Variants in PCDHA5 observed in about 807,000 individuals in gnomAD.
PCDHA5 encodes protocadherin alpha-5.
In PCDHA5, 43 loss-of-function variants were observed where a neutral mutation model predicts 61.6. The observed-to-expected ratio is 0.70, with a 90% CI of 0.55 to 0.90. The LOEUF (loss-of-function observed/expected upper bound fraction) is 0.90. Among genes scored for constraint, PCDHA5 ranks in the 40% least tolerant of loss-of-function variants. The pLI, the probability that PCDHA5 is intolerant of heterozygous loss-of-function variation, is 0.00. For missense variants in PCDHA5, 1,298 were observed against 1,222.7 expected, an observed-to-expected ratio of 1.06 and a Z score of -0.92; for synonymous variants, 627 against 543.9, an observed-to-expected ratio of 1.15 and a Z score of -2.13.
intron 1 of PCDHA5, chr5:140,870,180 A>G: frequency 1.2e-6 from 2 of 1,614,112 alleles, no homozygotes; most frequent in Non-Finnish European, 8.5e-7. Context: ...TCCCAGTACG[A>G]GAGGACGCTC....
chr5:140,870,083 C>G, intron 1 of PCDHA5: 1 of 1,613,848 alleles, frequency 6.2e-7, no homozygotes, highest in Admixed American at 1.7e-5. Flanking sequence ...AAGGGGACTC[C>G]CCCAATGGCA....
intron 3 of PCDHA5, among the ~76,000 whole-genome samples, chr5:140,982,882 C>CAGAGA (rs1353974224): frequency 6.6e-6 from 1 of 151,972 alleles, no homozygotes; most frequent in African/African-American, 2.4e-5. Context: ...CCAAGCCATG[C>CAGAGA]AGAGAAGATC....
At position 140,830,008 on chromosome 5, in the gene PCDHA5, A is replaced by G. The variant is rs2150179389; in HGVS notation, c.2352+5881A>G. The G allele has an allele frequency of 0.011, 17,411 of 1,613,856 alleles. 1,614 individuals are homozygous for G. In the African/African-American group the frequency reaches 0.2, roughly 19 times the overall value. On this transcript the variant is annotated intron_variant, in intron 1 of 3. Coordinates refer to ENST00000529859, the MANE Select transcript of PCDHA5 (RefSeq NM_018908.3). Reference sequence around the variant, plus strand: ...TCAGCACCACTCGTGTCCTGGACGAAGCGGACTCTCCGCGCCACCGGCTGC... The same window carrying G: ...TCAGCACCACTCGTGTCCTGGACGAGGCGGACTCTCCGCGCCACCGGCTGC...
chr5:140,845,723 T>A (rs1461937173), intron 1 of PCDHA5, among the ~76,000 whole-genome samples: 7 of 149,666 alleles, frequency 4.7e-5, no homozygotes, highest in African/African-American at 1.5e-4. Context: ...GCATGATAAA[T>A]GTGAATTCTA....
chr5:140,903,434 A>T (rs1372993909), intron 1 of PCDHA5, among the ~76,000 whole-genome samples: 1 of 152,226 alleles, frequency 6.6e-6, no homozygotes, highest in Non-Finnish European at 1.5e-5. Context: ...AATATGTATC[A>T]GTGGAATTCA....
At chr5:140,856,185 G>T (rs1554148335) in intron 1 of PCDHA5, 1 of 1,598,044 alleles carries the variant, frequency 6.3e-7, no homozygotes, top group Non-Finnish European at 8.6e-7. Context: ...TTCGTGGGCC[G>T]CATCGCGCAG....
chr5:140,848,314 G>T, intron 1 of PCDHA5: 1 of 733,978 alleles, frequency 1.4e-6, no homozygotes, highest in Non-Finnish European at 2.3e-6. Context: ...ACTCTTTGCC[G>T]CGATGTTCTC....
chr5:140,883,394 G>T, intron 1 of PCDHA5: 2 of 1,614,124 alleles, frequency 1.2e-6, no homozygotes, highest in South Asian at 2.2e-5. Context: ...CAGTGTGTCC[G>T]ATCGTGACTC....
At chr5:140,937,769 G>A (rs908179495) in intron 1 of PCDHA5, among the ~76,000 whole-genome samples, 44 of 151,776 alleles carry the variant, frequency 2.9e-4, no homozygotes, top group African/African-American at 9.4e-4. Context: ...AAAATTAGTC[G>A]GGCGTGGTGG....
intron 1 of PCDHA5, chr5:140,969,073 G>A (rs781937942): frequency 1.4e-5 from 23 of 1,613,974 alleles, no homozygotes; most frequent in South Asian, 5.5e-5. Context: ...CCAGGATACC[G>A]CATGGCCTCA....
At chr5:140,844,829 G>A (rs1252495421) in intron 1 of PCDHA5, among the ~76,000 whole-genome samples, 1 of 148,848 alleles carries the variant, frequency 6.7e-6, no homozygotes, top group East Asian at 1.9e-4. Flanking sequence ...CTTTTTACAC[G>A]TTTGCTTCTT....
intron 1 of PCDHA5, chr5:140,851,364 T>A (rs1293968731): frequency 6.1e-6 from 6 of 975,758 alleles, no homozygotes; most frequent in African/African-American, 1.8e-5. Flanking sequence ...ACTGTGAACA[T>A]CTGATTGTTC....
chr5:140,862,608 A>G (rs565248341), intron 1 of PCDHA5: 1 of 519,626 alleles, frequency 1.9e-6, no homozygotes, highest in East Asian at 5.2e-5. Flanking sequence ...TGTTCGTGAA[A>G]GGTAACAACC....
intron 3 of PCDHA5, among the ~76,000 whole-genome samples, chr5:141,003,622 A>G (rs1554259173): frequency 6.6e-6 from 1 of 152,196 alleles, no homozygotes; most frequent in Non-Finnish European, 1.5e-5. Context: ...CCCAGAGGGC[A>G]GTTTTTAAAG....
In PCDHA5 at chr5:140,847,506, T is replaced by C. The variant is rs1397904253; in HGVS notation, c.2352+23379T>C. ...GATAGTAAAACTCACAACAAAACTT[T>C]GTAGAACTTAGTCAGGAAAAGAATC... On this transcript the variant is annotated intron_variant, in intron 1 of 3. Transcript: ENST00000529859. 2.0e-5 allele frequency: 3 copies of C among 149,790 alleles called. No individual in the cohort carries two copies. The Admixed American group carries it at 2.0e-4, about 10-fold the overall frequency. The allele number at this position is 149,790 out of a possible 1,614,324, so 9.3% of individuals were successfully genotyped here. A position where few individuals can be genotyped will look rare whatever the true frequency, so the allele number is the denominator to read the frequency against.
Position 140,898,031 on chromosome 5 carries a change from G to C in PCDHA5, c.2352+73904G>C, listed in dbSNP as rs550093815. Among the ~76,000 whole-genome samples, 156 of 152,112 alleles carry C rather than the reference G, an allele frequency of 1.0e-3. No individual in the cohort carries two copies. The South Asian group carries it at 0.016, about 16-fold the overall frequency. ...CATATCCTTTGCCCACTTTTTGATG[G>C]GGTTGTTTGTTTTTTTCTTGTAAAT... On this transcript the variant is annotated intron_variant, in intron 1 of 3. Coordinates refer to ENST00000529859, the MANE Select transcript of PCDHA5 (RefSeq NM_018908.3).
At chr5:140,912,243 AATCTCCTTTGATGAC>A (rs2075829981) in intron 1 of PCDHA5, among the ~76,000 whole-genome samples, 1 of 152,012 alleles carries the variant, frequency 6.6e-6, no homozygotes, top group Admixed American at 6.6e-5. Context: ...CTCAAATGTT[AATCTCCTTTGATGAC>A]ACCCTCACAG....
intron 1 of PCDHA5, among the ~76,000 whole-genome samples, chr5:140,846,372 TC>T (rs146357297): frequency 0.2 from 13,294 of 65,432 alleles, 1,456 homozygotes; most frequent in African/African-American, 0.26. Flanking sequence ...TTTCTTTCTT[TC>T]TTTTTTTTTT....
chr5:140,937,160 C>T lies in PCDHA5; in HGVS notation c.2353-41789C>T, dbSNP rs767846084. Among the ~76,000 whole-genome samples the T allele has an allele frequency of 1.0e-3, 155 of 151,762 alleles. 1 individual carries two copies. Among genetic ancestry groups the T allele is most frequent in the Admixed American group, 4.7e-3 (71 of 15,248 alleles). ...TCATGCCATTCTCCTGCCTCAGCCT[C>T]CCGAGTAGCTGGGACTACAGGCGCC... On this transcript the variant is annotated intron_variant, in intron 1 of 3. Coordinates refer to ENST00000529859, the MANE Select transcript of PCDHA5 (RefSeq NM_018908.3).
Sources: allele counts gnomAD v4.1 joint callset (sites outside exome capture counted in the v4.1 genomes callset), GRCh38; gene constraint gnomAD v4.1.1; transcripts MANE v1.5; gene names NCBI Gene and HGNC (gene_info 2026-07-23, HGNC 2026-07-21).